ADCY8: variants seen among roughly 807,000 people sequenced by gnomAD.
ADCY8 encodes adenylate cyclase 8.
ADCY8 carries 51 observed loss-of-function variants against 119.7 expected under a neutral mutation model. The ratio of observed to expected loss-of-function variants is 0.43; its 90% confidence interval spans 0.34 to 0.54. ADCY8 has a LOEUF of 0.54. ADCY8 is among the 20% of genes least tolerant of loss of function. ADCY8 has a pLI of 0.03. For synonymous variants in ADCY8, 665 were observed against 651.0 expected, an observed-to-expected ratio of 1.02 and a Z score of -0.33; for missense variants, 1,383 against 1,598.8, an observed-to-expected ratio of 0.87 and a Z score of 2.30.
At chr8:130,783,853 G>C (rs757667797) in intron 16 of ADCY8, 48 bp from the exon 17 acceptor site, 6 of 1,452,502 alleles carry the variant, frequency 4.1e-6, no homozygotes, top group Non-Finnish European at 5.8e-6. Context: ...GAATGTGGGG[G>C]AACATTAACA....
At position 130,847,738 on chromosome 8, in the gene ADCY8, T is replaced by A. The variant is rs202100261; in HGVS notation, c.2413-225A>T. Among the ~76,000 whole-genome samples, 144 of 152,258 alleles carry A rather than the reference T, an allele frequency of 9.5e-4. 1 individual carries two copies. The highest frequency in any genetic ancestry group is 5.6e-3 in the Admixed American group (86 of 15,298). ...CAAGTGCTTGCTCAGAAAGACCTTT[T>A]GTAAGCCAGTCATGAAACTAAGTTT... On this transcript the variant is annotated intron_variant, in intron 10 of 17. Coordinates refer to ENST00000286355, the MANE Select transcript of ADCY8 (RefSeq NM_001115.3).
chr8:130,787,573 AGTGAT>A (rs891684645), intron 15 of ADCY8, among the ~76,000 whole-genome samples: 15 of 151,916 alleles, frequency 9.9e-5, no homozygotes, highest in African/African-American at 3.6e-4. Flanking sequence ...GCACATTTGT[AGTGAT>A]GTGTGTATGT....
intron 2 of ADCY8, among the ~76,000 whole-genome samples, chr8:130,953,334 T>G (rs1163573603): frequency 6.6e-6 from 1 of 152,178 alleles, no homozygotes; most frequent in African/African-American, 2.4e-5. Flanking sequence ...GTTCCTCATA[T>G]CTTTGTAGTT....
intron 14 of ADCY8, among the ~76,000 whole-genome samples, chr8:130,807,172 T>A (rs117968352): frequency 0.093 from 14,208 of 152,198 alleles, 849 homozygotes; most frequent in South Asian, 0.24. Context: ...AGGACTGACG[T>A]CCTCTCTGCC....
Position 131,040,378 on chromosome 8 carries a change from G to A in ADCY8, c.-45C>T. 1 of 1,445,206 alleles carries A rather than the reference G, an allele frequency of 6.9e-7. No homozygotes were observed. The highest frequency in any genetic ancestry group is 1.5e-5 in the African/African-American group (1 of 68,614). 89.5% of individuals were successfully genotyped at this position (1,445,206 alleles called of 1,614,324 possible). ...GGAGGCCCAGAACCTTGGGGAGGCA[G>A]CCGGAGGAGGGGTTCCTAAAGACTC... is the stretch of plus-strand genomic sequence containing the variant. On this transcript the variant is annotated 5_prime_UTR_variant, in exon 1 of 18. Transcript: ENST00000286355.
intron 6 of ADCY8, among the ~76,000 whole-genome samples, chr8:130,908,360 C>G (rs964558503): frequency 6.6e-6 from 1 of 152,136 alleles, no homozygotes; most frequent in Non-Finnish European, 1.5e-5. Context: ...TGGGAAAATC[C>G]TAAAGAATGG....
intron 1 of ADCY8, among the ~76,000 whole-genome samples, chr8:130,999,643 C>T (rs529390774): frequency 7.9e-5 from 12 of 152,310 alleles, no homozygotes; most frequent in Non-Finnish European, 1.5e-4. Flanking sequence ...GGAACATCCC[C>T]ACAGTCTGCA....
chr8:130,986,479 G>A (rs1472278181), intron 2 of ADCY8, among the ~76,000 whole-genome samples: 1 of 152,186 alleles, frequency 6.6e-6, no homozygotes, highest in Non-Finnish European at 1.5e-5. Flanking sequence ...GAGAGAGAGA[G>A]AAGCACAGAG....
At chr8:131,016,926 A>G (rs1823492576) in intron 1 of ADCY8, among the ~76,000 whole-genome samples, 1 of 151,424 alleles carries the variant, frequency 6.6e-6, no homozygotes, top group African/African-American at 2.4e-5. Flanking sequence ...TGCCTCCTGA[A>G]CTCTTCCTGA....
At chr8:130,786,892 G>T (rs761830935) in intron 15 of ADCY8, among the ~76,000 whole-genome samples, 1 of 152,082 alleles carries the variant, frequency 6.6e-6, no homozygotes, top group Admixed American at 6.6e-5. Flanking sequence ...AGCAGTGAGT[G>T]TATGAGTTTG....
intron 5 of ADCY8, among the ~76,000 whole-genome samples, chr8:130,924,659 T>G (rs1820409622): frequency 6.6e-6 from 1 of 152,040 alleles, no homozygotes; most frequent in Non-Finnish European, 1.5e-5. Flanking sequence ...CAGCTCCAAT[T>G]TTCTCATTGG....
intron 13 of ADCY8, among the ~76,000 whole-genome samples, chr8:130,818,024 C>T (rs1468877494): frequency 6.6e-6 from 1 of 152,142 alleles, no homozygotes; most frequent in Non-Finnish European, 1.5e-5. Flanking sequence ...TTGCAGAAAT[C>T]ATTAAACCTG....
At chr8:131,028,131 G>A (rs560361533) in intron 1 of ADCY8, among the ~76,000 whole-genome samples, 2 of 152,294 alleles carry the variant, frequency 1.3e-5, no homozygotes, top group East Asian at 3.9e-4. Flanking sequence ...AAGAAATTTT[G>A]GCCCAAAGAA....
chr8:130,996,610 A>G (rs1468766265), intron 1 of ADCY8, among the ~76,000 whole-genome samples: 1 of 152,120 alleles, frequency 6.6e-6, no homozygotes, highest in East Asian at 1.9e-4. Flanking sequence ...AATTTTCCCA[A>G]AAAAGATAAT....
intron 2 of ADCY8, among the ~76,000 whole-genome samples, chr8:130,966,365 T>C (rs1196959910): frequency 1.3e-5 from 2 of 152,056 alleles, no homozygotes; most frequent in Admixed American, 6.6e-5. Flanking sequence ...ACGTACATGA[T>C]TGAGGTGCAG....
At chr8:130,949,534 T>C (rs1273750720) in intron 3 of ADCY8, 1 of 152,236 alleles carries the variant, frequency 6.6e-6, no homozygotes, top group African/African-American at 2.4e-5. Context: ...GGAAGGAATA[T>C]GGAACACCAC....
chr8:130,934,379 A>T (rs1820723818), intron 5 of ADCY8, among the ~76,000 whole-genome samples: 1 of 152,136 alleles, frequency 6.6e-6, no homozygotes, highest in African/African-American at 2.4e-5. Context: ...GAAGAGAGCA[A>T]AGAAGGAGGT....
chr8:130,958,476 G>T (rs189098190), intron 2 of ADCY8, among the ~76,000 whole-genome samples: 1 of 152,050 alleles, frequency 6.6e-6, no homozygotes, highest in Non-Finnish European at 1.5e-5. Context: ...TAATGAAGAC[G>T]TATCTGAGAC....
intron 11 of ADCY8, among the ~76,000 whole-genome samples, chr8:130,838,056 G>A (rs767891537): frequency 6.6e-6 from 1 of 152,162 alleles, no homozygotes; most frequent in African/African-American, 2.4e-5. Context: ...ATTTTTGTAT[G>A]GGCAGGGGTG....
Sources: gnomAD v4.1 joint callset for allele counts (sites outside exome capture counted in the v4.1 genomes callset) on GRCh38, gnomAD v4.1.1 for gene constraint, MANE v1.5 for transcripts, NCBI Gene and HGNC (gene_info 2026-07-23, HGNC 2026-07-21) for gene names.